The following PDE8A variants were observed in gnomAD, a reference collection of about 807,000 sequenced individuals.
The protein encoded by PDE8A is high affinity cAMP-specific and IBMX-insensitive 3',5'-cyclic phosphodiesterase 8A.
PDE8A carries 59 observed loss-of-function variants against 105.0 expected under a neutral mutation model. The ratio of observed to expected loss-of-function variants is 0.56; its 90% CI spans 0.46 to 0.70. PDE8A has a LOEUF of 0.70. Among genes scored for constraint, PDE8A ranks in the 30% least tolerant of loss-of-function variants. The probability of loss-of-function intolerance (pLI) is 0.00; values close to 1 mark genes in which losing one functional copy is unlikely to be tolerated. For missense variants in PDE8A, 1,014 were observed against 1,045.9 expected, an observed-to-expected ratio of 0.97 and a Z score of 0.42; for synonymous variants, 355 against 371.9, an observed-to-expected ratio of 0.95 and a Z score of 0.52.
At chr15:85,028,783 T>C (rs1039251852) in intron 1 of PDE8A, among the ~76,000 whole-genome samples, 1 of 144,088 alleles carries the variant, frequency 6.9e-6, no homozygotes, top group Non-Finnish European at 1.5e-5. Context: ...CAATGAAGAC[T>C]TCCCATCTGC....
chr15:85,058,488 C>A (rs1596478490), intron 1 of PDE8A, among the ~76,000 whole-genome samples: 1 of 152,158 alleles, frequency 6.6e-6, no homozygotes, highest in East Asian at 1.9e-4. Flanking sequence ...TGTATTAGTT[C>A]TTTAAATGCT....
intron 7 of PDE8A, chr15:85,090,683 C>T (rs993367239): frequency 7.2e-6 from 3 of 418,412 alleles, no homozygotes; most frequent in Admixed American, 2.6e-5. Flanking sequence ...GTGCTTTATT[C>T]CATCATCCCC....
Position 85,136,652 on chromosome 15 carries a change from A to T in PDE8A, c.2372A>T (p.Asp791Val). 6.2e-7 allele frequency: 1 copy of T among 1,613,484 alleles called. No homozygotes were observed. The change falls in exon 21 of 22, where the codon GAT becomes GTT. Residue 791 changes from aspartate to valine, a missense_variant. Transcript: ENST00000394553. ...FIDYFITDMF[D>V]AWDAFVDLPD... ...GATTACTTCATCACAGACATGTTTG[A>T]TGCTTGGGATGGTAAGAAATCTTCC...
intron 1 of PDE8A, among the ~76,000 whole-genome samples, chr15:85,040,260 T>C (rs2080779797): frequency 6.6e-6 from 1 of 151,110 alleles, no homozygotes; most frequent in Non-Finnish European, 1.5e-5. Flanking sequence ...CTGGGCAATA[T>C]AGCAAGACCT....
At chr15:85,074,235 AG>A (rs1215516923) in intron 3 of PDE8A, among the ~76,000 whole-genome samples, 1 of 152,220 alleles carries the variant, frequency 6.6e-6, no homozygotes, top group Non-Finnish European at 1.5e-5. Context: ...GAATCCCTAC[AG>A]GCAAGAATGG....
chr15:84,983,530 C>T (rs1299297117), intron 1 of PDE8A, among the ~76,000 whole-genome samples: 1 of 152,202 alleles, frequency 6.6e-6, no homozygotes, highest in Non-Finnish European at 1.5e-5. Flanking sequence ...CCACCATTCC[C>T]ATACCCTAAG....
At chr15:85,049,041 GCAGTGAGCTGAGATCGCGCCACTGCACT>G (rs1332416002) in intron 1 of PDE8A, among the ~76,000 whole-genome samples, 1 of 152,186 alleles carries the variant, frequency 6.6e-6, no homozygotes, top group Non-Finnish European at 1.5e-5. Flanking sequence ...AGTGGAGGTT[GCAGTGAGCTGAGATCGCGCCACTGCACT>G]CTAGCCTGGG....
chr15:85,037,121 A>C (rs1348698708), intron 1 of PDE8A, among the ~76,000 whole-genome samples: 1 of 150,174 alleles, frequency 6.7e-6, no homozygotes, highest in East Asian at 2.0e-4. Context: ...GCTGGAGTGC[A>C]ATGGCGCAAT....
At chr15:85,068,609 G>A (rs569654217) in intron 3 of PDE8A, among the ~76,000 whole-genome samples, 194 of 152,210 alleles carry the variant, frequency 1.3e-3, no homozygotes, top group African/African-American at 4.6e-3. Context: ...AAGGGAAGAT[G>A]ATATCTAAAT....
At chr15:85,092,666 G>C (rs1205436960) in intron 8 of PDE8A, among the ~76,000 whole-genome samples, 3 of 152,116 alleles carry the variant, frequency 2.0e-5, no homozygotes, top group Non-Finnish European at 2.9e-5. Context: ...TGATGTGGCA[G>C]AACTTCCACT....
Position 85,123,151 on chromosome 15 carries a change from CA to C in PDE8A, c.2045del (p.Asn682ThrfsTer10). ...ACTTTGAGCATGTCAACAAATTTGT[CA>C]ACAGCATCAACAAACCCTTGGCAAC... is the stretch of plus-strand genomic sequence containing the variant. ...KHFEHVNKFV[N>X]SINKPLATLE... On this transcript the variant is annotated frameshift_variant, in exon 19 of 22. Coordinates refer to ENST00000394553, the MANE Select transcript of PDE8A (RefSeq NM_002605.3). LOFTEE classifies it high-confidence loss of function. The C allele has an allele frequency of 6.2e-7, 1 of 1,613,910 alleles. No homozygotes were observed. Among genetic ancestry groups the C allele is most frequent in the Non-Finnish European group, 8.5e-7 (1 of 1,179,876 alleles).
At chr15:85,025,794 ATCCTTAG>A (rs1567235522) in intron 1 of PDE8A, among the ~76,000 whole-genome samples, 2 of 152,198 alleles carry the variant, frequency 1.3e-5, no homozygotes, top group East Asian at 3.8e-4. Flanking sequence ...ACATCAGGTT[ATCCTTAG>A]GAAGCCAGGA....
intron 12 of PDE8A, among the ~76,000 whole-genome samples, chr15:85,110,717 A>G (rs2082009455): frequency 6.6e-6 from 1 of 152,214 alleles, no homozygotes; most frequent in Admixed American, 6.5e-5. Flanking sequence ...GGCTGCTAAG[A>G]ATAAGAATGC....
In PDE8A at chr15:85,115,914, C is replaced by T. The variant is rs1339441006; in HGVS notation, c.1400-70C>T. ...CAGCCTGGGCAACAGAGTGAGATTC[C>T]GTCTCAAAAAAAAAAAAAAAAGTTA... On this transcript the variant is annotated intron_variant, in intron 15 of 21. Transcript: ENST00000394553. 39 of 1,237,448 alleles carry T rather than the reference C, an allele frequency of 3.2e-5. 1 individual carries two copies. The highest frequency in any genetic ancestry group is 8.3e-5 in the African/African-American group (5 of 60,198). 76.7% of individuals were successfully genotyped at this position (1,237,448 alleles called of 1,614,324 possible). A position where few individuals can be genotyped will look rare whatever the true frequency, so the allele number is the denominator to read the frequency against.
chr15:85,081,604 G>A (rs2081467963), intron 5 of PDE8A, among the ~76,000 whole-genome samples: 1 of 152,168 alleles, frequency 6.6e-6, no homozygotes, highest in Admixed American at 6.5e-5. Flanking sequence ...TTTAAGCAGA[G>A]GGAATAAGCT....
intron 1 of PDE8A, among the ~76,000 whole-genome samples, chr15:85,002,469 A>T (rs1163813333): frequency 6.6e-6 from 1 of 152,222 alleles, no homozygotes; most frequent in Non-Finnish European, 1.5e-5. Flanking sequence ...ACCCTCTGGC[A>T]TGTGGATGTG....
At chr15:85,047,789 C>T (rs1596471050) in intron 1 of PDE8A, among the ~76,000 whole-genome samples, 1 of 152,274 alleles carries the variant, frequency 6.6e-6, no homozygotes, top group Non-Finnish European at 1.5e-5. Context: ...GAGGGATGAG[C>T]CTTTTGCCCT....
intron 1 of PDE8A, among the ~76,000 whole-genome samples, chr15:85,034,320 C>G (rs528513982): frequency 9.8e-4 from 149 of 152,184 alleles, no homozygotes; most frequent in African/African-American, 3.4e-3. Flanking sequence ...TTCTTGGAAT[C>G]TAGTCGAAGA....
At chr15:85,071,369 C>T (rs907513908) in intron 3 of PDE8A, among the ~76,000 whole-genome samples, 2 of 152,228 alleles carry the variant, frequency 1.3e-5, no homozygotes, top group African/African-American at 4.8e-5. Context: ...CCCTGCCATC[C>T]CTGCTGCCCC....
Sources: gnomAD v4.1 joint callset for allele counts (sites outside exome capture counted in the v4.1 genomes callset) on GRCh38, gnomAD v4.1.1 for gene constraint, MANE v1.5 for transcripts, NCBI Gene and HGNC (gene_info 2026-07-23, HGNC 2026-07-21) for gene names.